The following SLC9A7 variants were observed in gnomAD, a reference collection of about 807,000 sequenced individuals.
SLC9A7 encodes solute carrier family 9 member A7, also known as sodium/hydrogen exchanger 7.
SLC9A7 carries 19 observed loss-of-function variants against 52.6 expected under a neutral mutation model. That is an observed-to-expected ratio of 0.36 (90% CI 0.25 to 0.53). The LOEUF (loss-of-function observed/expected upper bound fraction) is 0.53. SLC9A7 is among the 20% of genes least tolerant of loss of function. The probability of loss-of-function intolerance (pLI) is 0.91; values close to 1 mark genes in which losing one functional copy is unlikely to be tolerated. For synonymous variants in SLC9A7, 226 were observed against 252.1 expected (o/e 0.90, Z 0.98); for missense variants, 455 against 597.9 (o/e 0.76, Z 2.49).
intron 1 of SLC9A7, among the ~76,000 whole-genome samples, chrX:46,683,455 T>C (rs1186406404): frequency 9.0e-6 from 1 of 111,610 alleles, no homozygotes; most frequent in Admixed American, 9.5e-5. Context: ...GCAGTGTACA[T>C]TTGAGGAGTC....
At chrX:46,721,524 T>C (rs1183873410) in intron 1 of SLC9A7, among the ~76,000 whole-genome samples, 3 of 111,793 alleles carry the variant, frequency 2.7e-5, no homozygotes, top group Admixed American at 1.9e-4. Context: ...TTTTTTTTTT[T>C]CCAATCCATC....
chrX:46,749,465 C>T (rs367805152), intron 1 of SLC9A7, among the ~76,000 whole-genome samples: 22 of 111,630 alleles, frequency 2.0e-4, no homozygotes, highest in South Asian at 7.6e-4. Context: ...CAACCCTATC[C>T]GCCTCCCCAC....
rs202219944 is a variant in SLC9A7, at chrX:46,706,646, T to C, written c.326-24111A>G. Among the ~76,000 whole-genome samples, 21 of 60,930 alleles carry C rather than the reference T, an allele frequency of 3.4e-4. No homozygotes were observed. In the East Asian group the frequency reaches 9.2e-3, roughly 27 times the overall value. The allele number at this position is 60,930 out of a possible 115,157, so 52.9% of individuals were successfully genotyped here. On this transcript the variant is annotated intron_variant, in intron 1 of 16. Coordinates refer to ENST00000616978, the MANE Select transcript of SLC9A7 (RefSeq NM_001257291.2). The stretch of plus-strand genomic sequence containing the variant: ...TAAGTCTCTCTCCTCCCCATCAGTG[T>C]TGTTTCTTCTCTGCATTCCCTGTCC...
intron 1 of SLC9A7, among the ~76,000 whole-genome samples, chrX:46,712,347 G>A (rs951390073): frequency 9.0e-6 from 1 of 111,192 alleles, no homozygotes. Context: ...GCGAAGGGGA[G>A]CCAGCATGTC....
chrX:46,663,213 A>G (rs956180685), intron 5 of SLC9A7, among the ~76,000 whole-genome samples: 1 of 111,187 alleles, frequency 9.0e-6, no homozygotes, highest in African/African-American at 3.3e-5. Context: ...CACGCCTGTA[A>G]TCCCAGCTAC....
At chrX:46,749,970 AG>A (rs1467363226) in intron 1 of SLC9A7, among the ~76,000 whole-genome samples, 3 of 110,322 alleles carry the variant, frequency 2.7e-5, no homozygotes, top group African/African-American at 6.6e-5. Flanking sequence ...AATCCCAGCT[AG>A]TCGGGAGGCT....
intron 7 of SLC9A7, among the ~76,000 whole-genome samples, chrX:46,658,657 C>T (rs1474103105): frequency 4.5e-5 from 5 of 111,168 alleles, no homozygotes; most frequent in African/African-American, 1.6e-4. Flanking sequence ...CATACACTCT[C>T]CCAGGACTAA....
chrX:46,653,687 A>G lies in SLC9A7; in HGVS notation c.1069T>C (p.Phe357Leu). Residue 357 changes from phenylalanine (F) to leucine (L), a missense_variant, in exon 8 of 17, where the codon TTC (phenylalanine) becomes CTC (leucine). Phe to Leu is a conservative substitution (Grantham distance 22, BLOSUM62 0). Around this residue, in one of 3 missense-constraint regions of SLC9A7, gnomAD observed 304 missense variants for 417.8 expected, o/e 0.73. Coordinates refer to ENST00000616978, the MANE Select transcript of SLC9A7 (RefSeq NM_001257291.2). The stretch of plus-strand genomic sequence containing the variant: ...AACAGCGCCGTCTCCAGCAGGGGGA[A>G]GCAGTGCAGTTTGGTAAACTTAGTC... ...LVTKFTKLHCFPLLETALFFL... is the reference protein window; with the variant it reads ...LVTKFTKLHCLPLLETALFFL... 8.3e-7 allele frequency: 1 copy of G among 1,210,740 alleles called. No homozygotes were observed. The highest frequency in any genetic ancestry group is 1.1e-6 in the Non-Finnish European group (1 of 894,671).
At chrX:46,655,007 C>T (rs1179210064) in intron 7 of SLC9A7, among the ~76,000 whole-genome samples, 4 of 63,469 alleles carry the variant, frequency 6.3e-5, no homozygotes, top group African/African-American at 1.6e-4. Context: ...TTTTTTGAGA[C>T]GGCATTTCGC....
At chrX:46,756,250 G>T (rs1221685255) in intron 1 of SLC9A7, among the ~76,000 whole-genome samples, 2 of 111,030 alleles carry the variant, frequency 1.8e-5, no homozygotes, top group African/African-American at 3.3e-5. Context: ...TCTTTTTGTC[G>T]TTCCTTATTC....
chrX:46,680,162 A>G (rs1386995592), intron 2 of SLC9A7, among the ~76,000 whole-genome samples: 3 of 110,191 alleles, frequency 2.7e-5, no homozygotes, highest in Non-Finnish European at 5.7e-5. Context: ...CAGCCTGGCC[A>G]ATATGGTGAA....
intron 1 of SLC9A7, among the ~76,000 whole-genome samples, chrX:46,731,432 T>TATATATAAAAAAA: frequency 1.3e-5 from 1 of 78,275 alleles, no homozygotes; most frequent in African/African-American, 4.0e-5. Context: ...TATAAAAAAT[T>TATATATAAAAAAA]AAAAAAAATT....
At chrX:46,706,221 T>C (rs1214831659) in intron 1 of SLC9A7, among the ~76,000 whole-genome samples, 1 of 100,543 alleles carries the variant, frequency 9.9e-6, no homozygotes, top group East Asian at 3.3e-4. Context: ...GCAAAAGTAG[T>C]TGCGGCTTTT....
At chrX:46,695,179 C>T (rs1168069178) in intron 1 of SLC9A7, among the ~76,000 whole-genome samples, 2 of 112,036 alleles carry the variant, frequency 1.8e-5, no homozygotes, top group Non-Finnish European at 3.8e-5. Context: ...TACATGAGTG[C>T]ATTTTATGAT....
At chrX:46,663,593 G>A (rs6651652) in intron 5 of SLC9A7, among the ~76,000 whole-genome samples, 993 of 91,362 alleles carry the variant, frequency 0.011, 16 homozygotes, top group African/African-American at 0.04. Context: ...AGCCAAGATC[G>A]TGCCATTGCA....
intron 1 of SLC9A7, among the ~76,000 whole-genome samples, chrX:46,727,605 T>C (rs1944965625): frequency 8.9e-6 from 1 of 112,197 alleles, no homozygotes; most frequent in South Asian, 3.7e-4. Context: ...AATGTTCCCA[T>C]AGCCATCCTT....
chrX:46,635,476 G>A (rs1395948857), intron 13 of SLC9A7, 113 bp downstream of exon 13: 2 of 563,311 alleles, frequency 3.6e-6, no homozygotes, highest in African/African-American at 4.6e-5. Context: ...TAAAAGTGGG[G>A]GTTGGCACAC....
chrX:46,606,351 T>C lies in SLC9A7; in HGVS notation c.*601A>G, dbSNP rs1942742998. The C allele has an allele frequency of 1.3e-6, 1 of 753,780 alleles. No homozygotes were observed. The highest frequency in any genetic ancestry group is 2.3e-5 in the African/African-American group (1 of 43,266). The allele number at this position is 753,780 out of a possible 1,213,427, so 62.1% of individuals were successfully genotyped here. On this transcript the variant is annotated 3_prime_UTR_variant, in exon 17 of 17. Transcript: ENST00000616978. ...CGTTCCATGTTGAAATGTTCGTGGATGTATTTTCAAATCTTCAGTCTAGAA... is the reference window on the plus strand; with the variant it reads ...CGTTCCATGTTGAAATGTTCGTGGACGTATTTTCAAATCTTCAGTCTAGAA...
At chrX:46,664,736 ATTTTAT>A (rs1021783304) in intron 5 of SLC9A7, among the ~76,000 whole-genome samples, 11 of 110,912 alleles carry the variant, frequency 9.9e-5, no homozygotes, top group African/African-American at 2.0e-4. Flanking sequence ...TTTTTTAAAA[ATTTTAT>A]TTTTATTTTT....
Sources: allele counts gnomAD v4.1 joint callset (sites outside exome capture counted in the v4.1 genomes callset), GRCh38; gene constraint gnomAD v4.1.1; regional missense constraint gnomAD v4.1.1; transcripts MANE v1.5; gene names NCBI Gene and HGNC (gene_info 2026-07-23, HGNC 2026-07-21).